SASH1: variants seen among roughly 807,000 people sequenced by gnomAD.
SASH1 encodes SAM and SH3 domain containing 1.
A neutral mutation model predicts 125.2 loss-of-function variants in SASH1; 44 were observed. That is an observed-to-expected ratio of 0.35 (90% CI 0.28 to 0.45). The LOEUF is 0.45. Ranked by LOEUF, SASH1 falls within the 20% of genes least tolerant of loss-of-function variation. The pLI is 1.00. For synonymous variants in SASH1, 639 were observed against 649.1 expected (o/e 0.98, Z 0.24); for missense variants, 1,426 against 1,614.5 (o/e 0.88, Z 2.00).
chr6:148,293,251 G>C (rs1582925673), intron 1 of SASH1, among the ~76,000 whole-genome samples: 1 of 152,180 alleles, frequency 6.6e-6, no homozygotes, highest in Non-Finnish European at 1.5e-5. Flanking sequence ...CTCAGGACCA[G>C]AGCACTCCAG....
chr6:148,217,284 A>G, the SASH1 span, among the ~76,000 whole-genome samples: 1 of 152,208 alleles, frequency 6.6e-6, no homozygotes, highest in East Asian at 1.9e-4. Flanking sequence ...CCTTGTCCTT[A>G]ACACAGTGAC....
chr6:148,485,080 G>A (rs6903119), intron 7 of SASH1, among the ~76,000 whole-genome samples: 75,598 of 151,918 alleles, frequency 0.5, 18,973 homozygotes, highest in East Asian at 0.62. Context: ...AAAAAAAATC[G>A]TCATATATGA....
chr6:148,361,967 G>T (rs534231775), intron 1 of SASH1, among the ~76,000 whole-genome samples: 5 of 142,096 alleles, frequency 3.5e-5, no homozygotes, highest in Non-Finnish European at 7.5e-5. Context: ...AGGCTGGAGT[G>T]CAGTGGCGCG....
intron 1 of SASH1, among the ~76,000 whole-genome samples, chr6:148,283,926 T>TG (rs1338398617): frequency 9.0e-6 from 1 of 110,806 alleles, no homozygotes; most frequent in African/African-American, 4.0e-5. Flanking sequence ...CATATCTATG[T>TG]AATTTTTTTT....
chr6:148,449,662 C>T (rs1776997975), intron 4 of SASH1, among the ~76,000 whole-genome samples: 1 of 152,166 alleles, frequency 6.6e-6, no homozygotes, highest in Non-Finnish European at 1.5e-5. Context: ...GCTGGGATTA[C>T]AGGTGTGAGC....
chr6:148,269,851 T>C (rs1345474491), upstream of SASH1, among the ~76,000 whole-genome samples: 2 of 152,148 alleles, frequency 1.3e-5, no homozygotes, highest in Non-Finnish European at 2.9e-5. Flanking sequence ...TAAATGAAAA[T>C]AAATTCTGGA....
the SASH1 span, among the ~76,000 whole-genome samples, chr6:148,238,285 G>A: frequency 6.6e-6 from 1 of 151,850 alleles, no homozygotes; most frequent in South Asian, 2.1e-4. Flanking sequence ...GTGCAGTGGC[G>A]CAATCTCGGC....
At chr6:148,505,511 A>C (rs964459751) in intron 8 of SASH1, among the ~76,000 whole-genome samples, 4 of 152,026 alleles carry the variant, frequency 2.6e-5, no homozygotes, top group African/African-American at 9.7e-5. Context: ...ATGTTTCACC[A>C]TGTTGGCCAG....
intron 2 of SASH1, among the ~76,000 whole-genome samples, chr6:148,439,709 G>A (rs189205151): frequency 1.1e-4 from 17 of 152,094 alleles, no homozygotes; most frequent in Non-Finnish European, 1.3e-4. Flanking sequence ...CCTGGAAGGC[G>A]GAGGTTGCAG....
chr6:148,509,249 T>A (rs1257200020), intron 8 of SASH1: 3 of 240,830 alleles, frequency 1.2e-5, no homozygotes, highest in Non-Finnish European at 2.5e-5. Flanking sequence ...AGTTTAAGAT[T>A]AACGCTGTGA....
intron 1 of SASH1, among the ~76,000 whole-genome samples, chr6:148,381,822 A>G (rs1385501667): frequency 6.6e-6 from 1 of 150,900 alleles, no homozygotes; most frequent in Non-Finnish European, 1.5e-5. Context: ...AGTAGAGATG[A>G]GGTTTCACCA....
At chr6:148,287,145 A>G (rs531403405) in intron 1 of SASH1, among the ~76,000 whole-genome samples, 6 of 152,234 alleles carry the variant, frequency 3.9e-5, no homozygotes, top group African/African-American at 1.4e-4. Context: ...TCCTTCCTCC[A>G]GATGCTTGGG....
chr6:148,503,142 A>G (rs966084342), intron 8 of SASH1, among the ~76,000 whole-genome samples: 16 of 152,222 alleles, frequency 1.1e-4, no homozygotes, highest in Non-Finnish European at 1.5e-5. Context: ...TAGCACAAAC[A>G]TAGATATTTA....
chr6:148,387,618 T>TCTC (rs1562371188), intron 1 of SASH1, among the ~76,000 whole-genome samples: 6 of 28,212 alleles, frequency 2.1e-4, no homozygotes, highest in Non-Finnish European at 2.9e-4. Flanking sequence ...CTTTCTTTCT[T>TCTC]TCTTTCTTTC....
At chr6:148,478,677 G>A (rs984653492) in intron 7 of SASH1, 2 of 152,222 alleles carry the variant, frequency 1.3e-5, no homozygotes, top group Non-Finnish European at 2.9e-5. Context: ...ATAACTAAAA[G>A]ATTATAATTG....
chr6:148,344,449 C>T (rs1452833270), intron 1 of SASH1, among the ~76,000 whole-genome samples: 1 of 152,152 alleles, frequency 6.6e-6, no homozygotes, highest in Non-Finnish European at 1.5e-5. Context: ...AGCCCAGTTA[C>T]TCCATTTTCA....
chr6:148,512,730 C>G, intron 8 of SASH1: 3 of 985,190 alleles, frequency 3.0e-6, no homozygotes, highest in Non-Finnish European at 3.6e-6. Context: ...ACTAGGTAAC[C>G]AGTACTTAGC....
intron 1 of SASH1, among the ~76,000 whole-genome samples, chr6:148,282,235 A>G (rs1429465400): frequency 1.3e-5 from 2 of 152,160 alleles, no homozygotes; most frequent in Non-Finnish European, 2.9e-5. Flanking sequence ...GACTTCTCCA[A>G]TGGGCACTCT....
chr6:148,256,857 AAAAT>A, the SASH1 span, among the ~76,000 whole-genome samples: 71 of 152,312 alleles, frequency 4.7e-4, no homozygotes, highest in East Asian at 7.9e-3. Flanking sequence ...TAAAACTTAC[AAAAT>A]AAATAAATAA....
Sources: gnomAD v4.1 joint callset for allele counts (sites outside exome capture counted in the v4.1 genomes callset) on GRCh38, gnomAD v4.1.1 for gene constraint, MANE v1.5 for transcripts, NCBI Gene and HGNC (gene_info 2026-07-23, HGNC 2026-07-21) for gene names.